RASA3: variants seen among roughly 807,000 people sequenced by gnomAD.
RASA3 encodes the protein RAS p21 protein activator 3.
In RASA3, 73 loss-of-function variants were observed where a neutral mutation model predicts 110.0. The ratio of observed to expected loss-of-function variants is 0.66; its 90% CI spans 0.55 to 0.81. The LOEUF (loss-of-function observed/expected upper bound fraction) is 0.81, where lower values mean the gene tolerates loss of function less well. Among genes scored for constraint, RASA3 ranks in the 30% least tolerant of loss-of-function variants. RASA3 has a pLI of 0.00. For missense variants in RASA3, 976 were observed against 1,113.2 expected (o/e 0.88, Z 1.75); for synonymous variants, 500 against 451.4 (o/e 1.11, Z -1.37).
At position 114,014,211 on chromosome 13, in the gene RASA3, G is replaced by A. The variant is rs557981441; in HGVS notation, c.1406-963C>T. Among the ~76,000 whole-genome samples, 6 of 152,020 alleles carry A rather than the reference G, an allele frequency of 3.9e-5. No homozygotes were observed. The highest frequency in any genetic ancestry group is 1.2e-4 in the African/African-American group (5 of 41,370). The stretch of plus-strand genomic sequence containing the variant: ...CCATCTCTCATCACCACCACACAGC[G>A]CAGCCCCTTTGGTGTCTCATTCCAC... On this transcript the variant is annotated intron_variant, in intron 14 of 23. Transcript: ENST00000334062. The surrounding 1 kb of genome is among the most constrained non-coding windows in gnomAD (Gnocchi z 4.5).
At position 113,979,237 on chromosome 13, in the gene RASA3, G is replaced by A. The variant is rs188208050; in HGVS notation, c.*110C>T. 1.1e-5 allele frequency: 12 copies of A among 1,072,460 alleles called. No homozygotes were observed. The East Asian group carries it at 1.7e-4, about 15-fold the overall frequency. 66.4% of individuals were successfully genotyped at this position (1,072,460 alleles called of 1,614,324 possible). On this transcript the variant is annotated 3_prime_UTR_variant, in exon 24 of 24. Transcript: ENST00000334062. ...GCGCCACTTGTCTATGGGCCGGGACGGCGTGCATCTCACTTTGCCGGCTCT... is the reference window on the plus strand; with the variant it reads ...GCGCCACTTGTCTATGGGCCGGGACAGCGTGCATCTCACTTTGCCGGCTCT...
intron 21 of RASA3, among the ~76,000 whole-genome samples, chr13:113,995,262 C>T (rs915137623): frequency 6.6e-6 from 1 of 152,252 alleles, no homozygotes; most frequent in Non-Finnish European, 1.5e-5. Context: ...TCCTGGGATG[C>T]GAGGACATGG....
At chr13:114,000,587 G>A (rs991145985) in intron 19 of RASA3, among the ~76,000 whole-genome samples, 8 of 152,314 alleles carry the variant, frequency 5.3e-5, no homozygotes, top group South Asian at 4.1e-4. Context: ...TCAGCTCTGC[G>A]TTTACTGGTT....
At chr13:114,049,774 G>A (rs980433968) in intron 3 of RASA3, among the ~76,000 whole-genome samples, 8 of 152,280 alleles carry the variant, frequency 5.3e-5, no homozygotes, top group African/African-American at 1.7e-4. Flanking sequence ...GCCCCTGGCA[G>A]GGGCTGAGAA....
At chr13:114,016,524 G>A (rs2053795919) in intron 12 of RASA3, among the ~76,000 whole-genome samples, 1 of 152,224 alleles carries the variant, frequency 6.6e-6, no homozygotes. Flanking sequence ...TGGCTGCGGA[G>A]GGACAAGTGA....
Position 114,029,802 on chromosome 13 carries a change from G to C in RASA3, c.449+9C>G. On this transcript the variant is annotated intron_variant, in intron 5 of 23. Coordinates refer to ENST00000334062, the MANE Select transcript of RASA3 (RefSeq NM_007368.4). ...TGTGCGCTCGGTCTCTAGTGAGGACGTGTCTTACCGTGTGGCGAGCTTGTG... is the reference window on the plus strand; with the variant it reads ...TGTGCGCTCGGTCTCTAGTGAGGACCTGTCTTACCGTGTGGCGAGCTTGTG... 6.3e-7 allele frequency: 1 copy of C among 1,589,162 alleles called. No individual in the cohort carries two copies. The highest frequency in any genetic ancestry group is 8.6e-7 in the Non-Finnish European group (1 of 1,168,184).
At chr13:114,090,443 AG>A (rs1850368919) in intron 1 of RASA3, among the ~76,000 whole-genome samples, 1 of 152,248 alleles carries the variant, frequency 6.6e-6, no homozygotes, top group African/African-American at 2.4e-5. Context: ...AAGACCAGAC[AG>A]ATGAAGAAAC....
At chr13:113,998,257 C>A (rs1566457006) in intron 20 of RASA3, among the ~76,000 whole-genome samples, 1 of 151,730 alleles carries the variant, frequency 6.6e-6, no homozygotes, top group Non-Finnish European at 1.5e-5. Flanking sequence ...CTCTTCCCAT[C>A]TCCCCCTCTT....
At chr13:114,081,495 C>T (rs996626586) in intron 1 of RASA3, among the ~76,000 whole-genome samples, 1 of 152,148 alleles carries the variant, frequency 6.6e-6, no homozygotes, top group African/African-American at 2.4e-5. Context: ...TACAATGAGC[C>T]GCTGGGGAAA....
In RASA3 at chr13:114,021,492, C is replaced by T. The variant is rs779182286; in HGVS notation, c.697G>A (p.Ala233Thr). 2.5e-6 allele frequency: 4 copies of T among 1,613,912 alleles called. No homozygotes were observed. The South Asian group carries it at 4.4e-5, about 18-fold the overall frequency. Residue 233 changes from alanine (A) to threonine (T), a missense_variant, in exon 9 of 24, where the codon GCC (alanine) becomes ACC (threonine). Around this residue, in one of 4 missense-constraint regions of RASA3, gnomAD observed 732 missense variants for 779.7 expected, o/e 0.94. Coordinates refer to ENST00000334062, the MANE Select transcript of RASA3 (RefSeq NM_007368.4). ...TCATCTCCAAACTTCAGGTTACTGG[C>T]ATTCCAGAGGTCAACTCTGAAAAAC... ...KLEIRVDLWN[A>T]SNLKFGDEFL... is the part of the protein sequence containing the mutation.
In RASA3 at chr13:113,996,747, C is replaced by T. The variant is rs1346103506; in HGVS notation, c.1933-8G>A. On this transcript the variant is annotated splice_region_variant and splice_polypyrimidine_tract_variant and intron_variant, in intron 20 of 23. Coordinates refer to ENST00000334062, the MANE Select transcript of RASA3 (RefSeq NM_007368.4). The stretch of plus-strand genomic sequence containing the variant: ...CTGGATGACCTGGAACATCTGAGGA[C>T]ACAGGTGGGCTCAGGACAGCGCACA... The T allele has an allele frequency of 1.9e-6, 3 of 1,612,640 alleles. No homozygotes were observed. Among genetic ancestry groups the T allele is most frequent in the East Asian group, 2.2e-5 (1 of 44,868 alleles).
Position 114,017,368 on chromosome 13 carries a change from G to A in RASA3, c.1092-17C>T. 6.2e-7 allele frequency: 1 copy of A among 1,602,144 alleles called. No homozygotes were observed. Among genetic ancestry groups the A allele is most frequent in the Non-Finnish European group, 8.5e-7 (1 of 1,169,688 alleles). On this transcript the variant is annotated splice_polypyrimidine_tract_variant and intron_variant, in intron 11 of 23. Coordinates refer to ENST00000334062, the MANE Select transcript of RASA3 (RefSeq NM_007368.4). Reference sequence around the variant, plus strand: ...TTGGGGTCCCTGGGAAATGGCGATGGGGACAGCGTTTGTCTCCTGGGGACG... The same window carrying A: ...TTGGGGTCCCTGGGAAATGGCGATGAGGACAGCGTTTGTCTCCTGGGGACG...
Position 114,040,597 on chromosome 13 carries a change from G to A in RASA3, c.372+403C>T, listed in dbSNP as rs1428850251. The stretch of plus-strand genomic sequence containing the variant: ...CAACCCAAAATCCATGGCGGAGCCC[G>A]CGCTCACTCCGAGCACAAGCGGGCG... On this transcript the variant is annotated intron_variant, in intron 4 of 23. Coordinates refer to ENST00000334062, the MANE Select transcript of RASA3 (RefSeq NM_007368.4). Among the ~76,000 whole-genome samples, 55 of 122,944 alleles carry A rather than the reference G, an allele frequency of 4.5e-4. 2 individuals are homozygous for A. Among genetic ancestry groups the A allele is most frequent in the African/African-American group, 1.8e-3 (53 of 29,148 alleles). 80.7% of individuals were successfully genotyped at this position (122,944 alleles called of 152,430 possible). A position where few individuals can be genotyped will look rare whatever the true frequency, so the allele number is the denominator to read the frequency against.
At chr13:114,015,987 G>A (rs1255238800) in intron 13 of RASA3, among the ~76,000 whole-genome samples, 1 of 152,120 alleles carries the variant, frequency 6.6e-6, no homozygotes, top group Non-Finnish European at 1.5e-5. Flanking sequence ...GGGACGCAGA[G>A]CCCGGCACAC....
At chr13:114,075,362 T>G (rs1269982701) in intron 1 of RASA3, among the ~76,000 whole-genome samples, 1 of 152,192 alleles carries the variant, frequency 6.6e-6, no homozygotes, top group Non-Finnish European at 1.5e-5. Flanking sequence ...TAAACTCAGT[T>G]TGAAGCTTTT....
At chr13:113,980,229 T>C (rs78489013) in intron 23 of RASA3, among the ~76,000 whole-genome samples, 13 of 17,266 alleles carry the variant, frequency 7.5e-4, no homozygotes, top group East Asian at 3.6e-3. Context: ...CACCTCCTGC[T>C]GTGTGCGCCT....
At chr13:114,038,930 G>T (rs1156269560) in intron 4 of RASA3, among the ~76,000 whole-genome samples, 2 of 152,214 alleles carry the variant, frequency 1.3e-5, no homozygotes, top group Non-Finnish European at 1.5e-5. Flanking sequence ...CCTATTTTGG[G>T]GATTTGTCCA....
chr13:114,068,165 C>A (rs1444831264), intron 2 of RASA3, among the ~76,000 whole-genome samples: 8 of 152,258 alleles, frequency 5.3e-5, no homozygotes, highest in Non-Finnish European at 1.5e-5. Flanking sequence ...CCCTTCTCCC[C>A]GAGATGGGCA....
intron 22 of RASA3, among the ~76,000 whole-genome samples, chr13:113,989,561 T>C (rs1026099159): frequency 7.1e-6 from 1 of 140,914 alleles, no homozygotes; most frequent in African/African-American, 2.7e-5. Context: ...CATCCACCCA[T>C]CACTCATCCA....
Sources: gnomAD v4.1 joint callset for allele counts (sites outside exome capture counted in the v4.1 genomes callset) on GRCh38, gnomAD v4.1.1 for gene constraint, gnomAD v4.1.1 regional missense constraint, Gnocchi (gnomAD v3.1) non-coding constraint, MANE v1.5 for transcripts, NCBI Gene and HGNC (gene_info 2026-07-23, HGNC 2026-07-21) for gene names.